ABCC8: variants seen among roughly 807,000 people sequenced by gnomAD.
ABCC8 encodes ATP binding cassette subfamily C member 8.
In ABCC8, 137 loss-of-function variants were observed where a neutral mutation model predicts 188.0. That is an observed-to-expected ratio of 0.73 (90% CI 0.63 to 0.84). The LOEUF is 0.84. Among genes scored for constraint, ABCC8 ranks in the 40% least tolerant of loss-of-function variants. ABCC8 has a pLI of 0.00. For missense variants in ABCC8, 1,750 were observed against 2,072.7 expected (o/e 0.84, Z 3.02); for synonymous variants, 797 against 846.5 (o/e 0.94, Z 1.01).
At chr11:17,461,395 C>T (rs1483629010) in intron 5 of ABCC8, 188 bp downstream of exon 5, 1 of 728,334 alleles carries the variant, frequency 1.4e-6, no homozygotes, top group Non-Finnish European at 2.3e-6. Flanking sequence ...CTGTGCCTGT[C>T]CTATGAATCC....
rs112550370 is a variant in ABCC8, at chr11:17,468,764, G to C, written c.412+1337C>G. Among the ~76,000 whole-genome samples, 1,234 of 152,184 alleles carry C rather than the reference G, an allele frequency of 8.1e-3. 15 individuals are homozygous for C. The highest frequency in any genetic ancestry group is 0.028 in the African/African-American group (1,145 of 41,508). On this transcript the variant is annotated intron_variant, in intron 3 of 38. Transcript: ENST00000389817. ...GTTTCAGGGTCCACACTGGAAAATGGGGATATTAACAATACCAATAAGGAG... is the reference window on the plus strand; with the variant it reads ...GTTTCAGGGTCCACACTGGAAAATGCGGATATTAACAATACCAATAAGGAG...
chr11:17,463,384 C>T, intron 4 of ABCC8, 54 bp downstream of exon 4: 1 of 1,460,102 alleles, frequency 6.8e-7, no homozygotes, highest in Non-Finnish European at 9.4e-7. Context: ...CAGGGCAGGA[C>T]AGAGGCCAGA....
At chr11:17,413,060 T>C in intron 20 of ABCC8, 1 of 611,386 alleles carries the variant, frequency 1.6e-6, no homozygotes. Flanking sequence ...CCTGTTCGTC[T>C]AAGCTTGTGG....
At chr11:17,469,345 G>A (rs1160246675) in intron 3 of ABCC8, among the ~76,000 whole-genome samples, 2 of 151,726 alleles carry the variant, frequency 1.3e-5, no homozygotes, top group African/African-American at 4.8e-5. Context: ...CGCCCACCTC[G>A]GCCTCCCAAA....
chr11:17,423,356 CAAAAAA>C (rs58524307), intron 16 of ABCC8, among the ~76,000 whole-genome samples: 2 of 63,344 alleles, frequency 3.2e-5, no homozygotes, highest in African/African-American at 1.3e-4. Flanking sequence ...GACTCCGTCT[CAAAAAA>C]AAAAAAAAAA....
chr11:17,410,078 T>C (rs1380843742), intron 22 of ABCC8, among the ~76,000 whole-genome samples: 1 of 152,032 alleles, frequency 6.6e-6, no homozygotes, highest in Non-Finnish European at 1.5e-5. Flanking sequence ...ACTGCTATTG[T>C]TTGGTTCCAT....
intron 7 of ABCC8, among the ~76,000 whole-genome samples, chr11:17,452,799 C>A (rs1305956287): frequency 6.6e-6 from 1 of 152,174 alleles, no homozygotes; most frequent in African/African-American, 2.4e-5. Flanking sequence ...TTGCATTTAC[C>A]CTTGGTCAGA....
chr11:17,421,561 A>G (rs375177831), intron 16 of ABCC8, among the ~76,000 whole-genome samples: 7 of 152,342 alleles, frequency 4.6e-5, no homozygotes, highest in African/African-American at 1.7e-4. Flanking sequence ...CTTTCCCAGG[A>G]GACAGACTGG....
At chr11:17,411,483 T>A (rs942771786) in intron 21 of ABCC8, among the ~76,000 whole-genome samples, 1 of 152,222 alleles carries the variant, frequency 6.6e-6, no homozygotes, top group Admixed American at 6.5e-5. Flanking sequence ...ATCTTCCCAC[T>A]GTGAAGTGTC....
rs372538305 is a variant in ABCC8 at position 17,476,429 on chromosome 11, G to A, written c.148+200C>T. Among the ~76,000 whole-genome samples, 229 of 152,334 alleles carry A rather than the reference G, an allele frequency of 1.5e-3. 7 individuals carry two copies. The South Asian group carries it at 0.045, about 30-fold the overall frequency. On this transcript the variant is annotated intron_variant, in intron 1 of 38. Transcript: ENST00000389817. ...CGTCCGCTGTGTTTGGCGCGGGATCGGGGGCACCGGGGGAGTGAAGGGATG... is the reference window on the plus strand; with the variant it reads ...CGTCCGCTGTGTTTGGCGCGGGATCAGGGGCACCGGGGGAGTGAAGGGATG...
At chr11:17,458,108 C>T (rs1957060633) in intron 6 of ABCC8, among the ~76,000 whole-genome samples, 1 of 152,214 alleles carries the variant, frequency 6.6e-6, no homozygotes, top group Non-Finnish European at 1.5e-5. Context: ...CAGGCAACCA[C>T]ATGATGGAGA....
At position 17,451,760 on chromosome 11, in the gene ABCC8, T is replaced by G. The variant is rs910729359; in HGVS notation, c.1176+1359A>C. Among the ~76,000 whole-genome samples the G allele has an allele frequency of 2.6e-5, 4 of 152,250 alleles. No homozygotes were observed. The East Asian group carries it at 7.7e-4, about 29-fold the overall frequency. On this transcript the variant is annotated intron_variant, in intron 7 of 38. Transcript: ENST00000389817. ...TGCACAGAGAATTTCTAGCAGTGCA[T>G]ATATAGCTGTCAAGAATAAAGACCA...
At chr11:17,470,062 G>A in intron 3 of ABCC8, 39 bp downstream of exon 3, 1 of 1,605,932 alleles carries the variant, frequency 6.2e-7, no homozygotes, top group Non-Finnish European at 8.5e-7. Flanking sequence ...CTGAAGAAAT[G>A]AATGAAGGTA....
At chr11:17,430,547 GTT>G (rs370673339) in intron 12 of ABCC8, 1,034 of 428,520 alleles carry the variant, frequency 2.4e-3, no homozygotes, top group Middle Eastern at 4.0e-3. Flanking sequence ...CTCAACACTG[GTT>G]TTTTTTTTTT....
rs368134766 is a variant in ABCC8, at chr11:17,394,386, T to C, written c.4425A>G (p.Thr1475=). 34 of 1,614,098 alleles carry C rather than the reference T, an allele frequency of 2.1e-5. No individual in the cohort carries two copies. The African/African-American group carries it at 2.3e-4, about 11-fold the overall frequency. ...CCTGGCTGAAATTCTCCCCGCCTTC[T>C]GTGATGATGGCATCTGAAAACAGCC... The part of the protein sequence containing the change: ...ALPGGLDAII[T]EGGENFSQGQ... The change falls in exon 37 of 39, where the codon ACA becomes ACG. Residue 1475 remains threonine (T), a synonymous_variant. Coordinates refer to ENST00000389817, the MANE Select transcript of ABCC8 (RefSeq NM_000352.6).
chr11:17,411,745 C>T (rs1405486111), intron 21 of ABCC8, among the ~76,000 whole-genome samples: 1 of 152,138 alleles, frequency 6.6e-6, no homozygotes, highest in Non-Finnish European at 1.5e-5. Context: ...CCGGGCTGGG[C>T]CTCTTGAACT....
intron 10 of ABCC8, among the ~76,000 whole-genome samples, chr11:17,432,545 G>A (rs1955896188): frequency 6.6e-6 from 1 of 152,218 alleles, no homozygotes; most frequent in Non-Finnish European, 1.5e-5. Context: ...GGGAGAGTTG[G>A]CTGGCTGTGG....
At chr11:17,456,923 T>C (rs1423553853) in intron 6 of ABCC8, among the ~76,000 whole-genome samples, 1 of 152,218 alleles carries the variant, frequency 6.6e-6, no homozygotes, top group Non-Finnish European at 1.5e-5. Context: ...GGCTGAGTGC[T>C]GGGCACACAG....
chr11:17,393,528 C>T (rs1396231052), intron 38 of ABCC8, among the ~76,000 whole-genome samples, 169 bp downstream of exon 38: 1 of 152,168 alleles, frequency 6.6e-6, no homozygotes, highest in Non-Finnish European at 1.5e-5. Context: ...AATCCTGCAA[C>T]CCAGGCTCCC....
Sources: allele counts gnomAD v4.1 joint callset (sites outside exome capture counted in the v4.1 genomes callset), GRCh38; gene constraint gnomAD v4.1.1; transcripts MANE v1.5; gene names NCBI Gene and HGNC (gene_info 2026-07-23, HGNC 2026-07-21).